Variants in RWDD1 observed in about 807,000 individuals in gnomAD.
The protein encoded by RWDD1 is RWD domain containing 1, also known as RWD domain-containing protein 1.
RWDD1 carries 17 observed loss-of-function variants against 31.6 expected under a neutral mutation model. The observed-to-expected ratio is 0.54, with a 90% CI of 0.37 to 0.81. RWDD1 has a LOEUF of 0.81. Among genes scored for constraint, RWDD1 ranks in the 30% least tolerant of loss-of-function variants. The probability of loss-of-function intolerance (pLI) is 0.00; values close to 1 mark genes in which losing one functional copy is unlikely to be tolerated. For synonymous variants in RWDD1, 78 were observed against 94.2 expected (o/e 0.83, Z 0.99); for missense variants, 204 against 274.5 (o/e 0.74, Z 1.82).
At chr6:116,585,551 A>G (rs890005904) in intron 3 of RWDD1, among the ~76,000 whole-genome samples, 1 of 152,180 alleles carries the variant, frequency 6.6e-6, no homozygotes, top group African/African-American at 2.4e-5. Flanking sequence ...TCTTAAAGTC[A>G]GAAGTCCTAC....
rs1420916045 is a variant in RWDD1, at chr6:116,580,279, G to A, written c.74-16G>A. The A allele has an allele frequency of 6.3e-7, 1 of 1,578,064 alleles. No homozygotes were observed. On this transcript the variant is annotated splice_polypyrimidine_tract_variant and intron_variant, in intron 1 of 6. Transcript: ENST00000466444. Reference sequence around the variant, plus strand: ...TAGAAAGCATTTCAATAACTTCTGTGTGTATTTTCTTGCAGTATTATCAGA... The same window carrying A: ...TAGAAAGCATTTCAATAACTTCTGTATGTATTTTCTTGCAGTATTATCAGA...
rs1281374429 is a variant in RWDD1 at position 116,571,578 on chromosome 6, C to G, written c.-5C>G. On this transcript the variant is annotated 5_prime_UTR_variant, in exon 1 of 7. Transcript: ENST00000466444. ...GGCGATCTATGGGCAAGAGCAAGGG[C>G]CACGATGACAGATTACGGCGAGGAG... is the stretch of plus-strand genomic sequence containing the variant. The G allele has an allele frequency of 1.9e-6, 3 of 1,613,166 alleles. No homozygotes were observed. The highest frequency in any genetic ancestry group is 2.2e-5 in the South Asian group (2 of 91,014).
chr6:116,589,126 T>C, intron 4 of RWDD1, 141 bp downstream of exon 4: 1 of 715,724 alleles, frequency 1.4e-6, no homozygotes, highest in Non-Finnish European at 1.9e-6. Flanking sequence ...AAAGTTTCAC[T>C]AAAATTGTAG....
At chr6:116,586,558 TTG>T (rs1775044015) in intron 3 of RWDD1, among the ~76,000 whole-genome samples, 1 of 152,188 alleles carries the variant, frequency 6.6e-6, no homozygotes, top group South Asian at 2.1e-4. Flanking sequence ...CAGTTTACAG[TTG>T]TCTTTCATTT....
At chr6:116,586,561 T>G (rs1030247207) in intron 3 of RWDD1, among the ~76,000 whole-genome samples, 2 of 152,172 alleles carry the variant, frequency 1.3e-5, no homozygotes, top group African/African-American at 4.8e-5. Context: ...TTTACAGTTG[T>G]CTTTCATTTT....
intron 1 of RWDD1, among the ~76,000 whole-genome samples, chr6:116,574,509 G>A (rs916763590): frequency 6.6e-6 from 1 of 152,092 alleles, no homozygotes; most frequent in Non-Finnish European, 1.5e-5. Context: ...GAAACTAAAG[G>A]TAATTTGTGT....
chr6:116,586,726 A>C (rs1422176196), intron 3 of RWDD1, among the ~76,000 whole-genome samples: 1 of 152,220 alleles, frequency 6.6e-6, no homozygotes, highest in Non-Finnish European at 1.5e-5. Flanking sequence ...GAATAAATGA[A>C]AAGAATGAAT....
intron 3 of RWDD1, among the ~76,000 whole-genome samples, chr6:116,586,539 T>C (rs1247799838): frequency 6.6e-6 from 1 of 152,208 alleles, no homozygotes; most frequent in Non-Finnish European, 1.5e-5. Flanking sequence ...TACTCATCTT[T>C]TTGTAAAACA....
chr6:116,594,151 C>T lies in RWDD1; in HGVS notation c.*1050C>T, dbSNP rs1280025347. The T allele has an allele frequency of 2.0e-5, 3 of 148,774 alleles. No homozygotes were observed. The highest frequency in any genetic ancestry group is 1.3e-4 in the Admixed American group (2 of 14,898). 9.2% of individuals were successfully genotyped at this position (148,774 alleles called of 1,614,324 possible). On this transcript the variant is annotated 3_prime_UTR_variant, in exon 7 of 7. Transcript: ENST00000466444. ...TTTTTTAAACTAGCTTTGGTGGGAA[C>T]TCCCTCACCCCTGCTCCCCACAGGA...
At chr6:116,584,518 C>T (rs1174725405) in intron 2 of RWDD1, among the ~76,000 whole-genome samples, 1 of 152,184 alleles carries the variant, frequency 6.6e-6, no homozygotes, top group South Asian at 2.1e-4. Context: ...ATGTGCTTCA[C>T]GTGTAAGTGT....
Position 116,590,842 on chromosome 6 carries a change from A to C in RWDD1, c.548-46A>C, listed in dbSNP as rs371532687. On this transcript the variant is annotated intron_variant, in intron 5 of 6. Transcript: ENST00000466444. ...TCTAAGTATTGTAGTGAAAATGGAG[A>C]AAAACTATGCCATTTGAATTAAACA... 103 of 1,541,006 alleles carry C rather than the reference A, an allele frequency of 6.7e-5. No homozygotes were observed. The African/African-American group carries it at 1.3e-3, about 19-fold the overall frequency.
At chr6:116,583,894 C>CT (rs35547211) in intron 2 of RWDD1, among the ~76,000 whole-genome samples, 1 of 152,054 alleles carries the variant, frequency 6.6e-6, no homozygotes, top group Non-Finnish European at 1.5e-5. Flanking sequence ...TTTTAAAGTG[C>CT]TTTTTTTCCC....
chr6:116,587,429 C>T (rs1465976524), intron 3 of RWDD1, among the ~76,000 whole-genome samples: 1 of 152,126 alleles, frequency 6.6e-6, no homozygotes, highest in Non-Finnish European at 1.5e-5. Flanking sequence ...GATTGTTTCT[C>T]CTAGAACTTC....
intron 1 of RWDD1, chr6:116,573,031 T>A (rs537931294): frequency 1.0e-6 from 1 of 976,290 alleles, no homozygotes; most frequent in Non-Finnish European, 1.2e-6. Flanking sequence ...CTTGCTTATA[T>A]GTGTATGTCT....
In RWDD1 at chr6:116,593,029, C is replaced by G. The variant is rs147351925; in HGVS notation, c.660C>G (p.Asp220Glu). ...AGTCTTTGTTCCAAGAAATGGATGA[C>G]TTGGAGCTGGAGGATGATGAAGATG... ...VDESLFQEMDDLELEDDEDDP... is the reference protein window; with the variant it reads ...VDESLFQEMDELELEDDEDDP... Residue 220 changes from aspartate to glutamate, a missense_variant, in exon 7 of 7, where the codon GAC (aspartate) becomes GAG (glutamate). Asp to Glu is a conservative substitution (Grantham distance 45, BLOSUM62 2). Coordinates refer to ENST00000466444, the MANE Select transcript of RWDD1 (RefSeq NM_015952.4). The G allele has an allele frequency of 1.9e-4, 301 of 1,612,596 alleles. 1 individual carries two copies. The highest frequency in any genetic ancestry group is 2.4e-4 in the Non-Finnish European group (288 of 1,179,776).
Position 116,595,139 on chromosome 6 carries a change from A to C in RWDD1, c.*2038A>C, listed in dbSNP as rs1775220009. 6.6e-6 allele frequency: 1 copy of C among 152,234 alleles called. No homozygotes were observed. The highest frequency in any genetic ancestry group is 2.4e-5 in the African/African-American group (1 of 41,456). The allele number at this position is 152,234 out of a possible 1,614,324, so 9.4% of individuals were successfully genotyped here. ...GAAGAAGCTGCTCAATTAAGGTTAAAAAAAATAAAAAGCAATTGTTAGCAA... is the reference window on the plus strand; with the variant it reads ...GAAGAAGCTGCTCAATTAAGGTTAACAAAAATAAAAAGCAATTGTTAGCAA... On this transcript the variant is annotated 3_prime_UTR_variant, in exon 7 of 7. Coordinates refer to ENST00000466444, the MANE Select transcript of RWDD1 (RefSeq NM_015952.4).
chr6:116,579,657 G>T (rs925631931), intron 1 of RWDD1, among the ~76,000 whole-genome samples: 1 of 152,178 alleles, frequency 6.6e-6, no homozygotes, highest in Non-Finnish European at 1.5e-5. Flanking sequence ...TTATATAAAT[G>T]TTGATTTATG....
chr6:116,580,650 C>T (rs1774932306), intron 2 of RWDD1, among the ~76,000 whole-genome samples: 1 of 152,020 alleles, frequency 6.6e-6, no homozygotes, highest in Non-Finnish European at 1.5e-5. Context: ...TTGTTTTGTT[C>T]AAAGCAATAC....
In RWDD1 at chr6:116,580,456, CT is replaced by C. The variant is rs560680787; in HGVS notation, c.139+97del. The C allele has an allele frequency of 2.8e-4, 219 of 784,878 alleles. No individual in the cohort carries two copies. In the African/African-American group the frequency reaches 3.4e-3, roughly 12 times the overall value. 48.6% of individuals were successfully genotyped at this position (784,878 alleles called of 1,614,324 possible). A position where few individuals can be genotyped will look rare whatever the true frequency, so the allele number is the denominator to read the frequency against. On this transcript the variant is annotated intron_variant, in intron 2 of 6. Coordinates refer to ENST00000466444, the MANE Select transcript of RWDD1 (RefSeq NM_015952.4). ...TGCTGGATATTGTCATGTGGAGGTG[CT>C]AAGGGGCTGTTACGAATCTGCTATG... is the stretch of plus-strand genomic sequence containing the variant.
Sources: allele counts gnomAD v4.1 joint callset (sites outside exome capture counted in the v4.1 genomes callset), GRCh38; gene constraint gnomAD v4.1.1; transcripts MANE v1.5; gene names NCBI Gene and HGNC (gene_info 2026-07-23, HGNC 2026-07-21).